SLC13A3: variants seen among roughly 807,000 people sequenced by gnomAD.
The protein encoded by SLC13A3 is solute carrier family 13 member 3.
A neutral mutation model predicts 59.0 loss-of-function variants in SLC13A3; 40 were observed. The ratio of observed to expected loss-of-function variants is 0.68; its 90% CI spans 0.53 to 0.88. The LOEUF is 0.88. Ranked by LOEUF, SLC13A3 falls within the 40% of genes least tolerant of loss-of-function variation. The pLI is 0.00. For missense variants in SLC13A3, 699 were observed against 783.2 expected (o/e 0.89, Z 1.28); for synonymous variants, 317 against 330.3 (o/e 0.96, Z 0.44).
intron 1 of SLC13A3, among the ~76,000 whole-genome samples, chr20:46,638,769 G>A (rs539340028): frequency 3.9e-5 from 6 of 152,170 alleles, no homozygotes; most frequent in Admixed American, 1.3e-4. Flanking sequence ...TTGGGGCAGC[G>A]GTTCTCAGCC....
intron 6 of SLC13A3, among the ~76,000 whole-genome samples, chr20:46,590,893 G>T (rs1023759493): frequency 6.6e-6 from 1 of 151,984 alleles, no homozygotes; most frequent in Admixed American, 6.6e-5. Flanking sequence ...AGCTGGGCTT[G>T]GGTGGCTCAT....
intron 3 of SLC13A3, among the ~76,000 whole-genome samples, chr20:46,608,507 G>C (rs56891036): frequency 0.022 from 3,404 of 152,266 alleles, 134 homozygotes; most frequent in African/African-American, 0.077. Context: ...CCGTTGCATA[G>C]AGCTGACTCT....
chr20:46,610,370 C>T, intron 3 of SLC13A3, 76 bp downstream of exon 3: 1 of 1,485,540 alleles, frequency 6.7e-7, no homozygotes, highest in Non-Finnish European at 9.1e-7. Flanking sequence ...TTGGCCTTCC[C>T]TAACATCCTT....
intron 3 of SLC13A3, among the ~76,000 whole-genome samples, chr20:46,602,980 ACC>A (rs2062395153): frequency 6.6e-6 from 1 of 152,088 alleles, no homozygotes; most frequent in Non-Finnish European, 1.5e-5. Flanking sequence ...GGAGTTTGAG[ACC>A]AGCCTGACCA....
intron 11 of SLC13A3, among the ~76,000 whole-genome samples, chr20:46,564,831 G>C (rs1355114356): frequency 6.6e-6 from 1 of 152,152 alleles, no homozygotes; most frequent in African/African-American, 2.4e-5. Context: ...TATTTCCATT[G>C]GGCAGAGAGA....
intron 9 of SLC13A3, among the ~76,000 whole-genome samples, chr20:46,577,256 T>C (rs2062088638): frequency 7.2e-6 from 1 of 139,520 alleles, no homozygotes; most frequent in African/African-American, 2.7e-5. Flanking sequence ...AGCCCAAAGA[T>C]GTATCAGTCC....
intron 1 of SLC13A3, among the ~76,000 whole-genome samples, chr20:46,623,783 A>T (rs1213087372): frequency 6.6e-6 from 1 of 152,190 alleles, no homozygotes; most frequent in Non-Finnish European, 1.5e-5. Flanking sequence ...TGCATTTGTG[A>T]ACTCATTTTA....
At chr20:46,650,217 G>A (rs1443934426) in intron 1 of SLC13A3, among the ~76,000 whole-genome samples, 3 of 151,996 alleles carry the variant, frequency 2.0e-5, no homozygotes, top group Admixed American at 6.6e-5. Context: ...CTCCACCTGC[G>A]GCCTTTGATC....
chr20:46,623,306 A>G (rs1350966638), intron 1 of SLC13A3, among the ~76,000 whole-genome samples: 1 of 152,190 alleles, frequency 6.6e-6, no homozygotes, highest in Non-Finnish European at 1.5e-5. Flanking sequence ...TGACAATCAC[A>G]ATCACCAACA....
intron 9 of SLC13A3, among the ~76,000 whole-genome samples, chr20:46,579,888 C>T (rs202386): frequency 0.16 from 23,763 of 152,130 alleles, 3,258 homozygotes; most frequent in African/African-American, 0.36. Flanking sequence ...AAGTAATATC[C>T]GTCCCCTTTA....
chr20:46,613,557 G>A lies in SLC13A3; in HGVS notation c.280C>T (p.Leu94Phe), dbSNP rs377595367. 3.1e-6 allele frequency: 5 copies of A among 1,614,036 alleles called. No homozygotes were observed. Among genetic ancestry groups the A allele is most frequent in the East Asian group, 2.2e-5 (1 of 44,886 alleles). ...GCGCTGGCCATGATCAGCCCACTGA[G>A]GAAGAGGAAGTTGGTGTCGAGGAAG... ...QYFLDTNFLF[L>F]SGLIMASAIE... is the part of the protein sequence containing the mutation. Residue 94 changes from leucine (L) to phenylalanine (F), a missense_variant, in exon 2 of 13, where the codon CTC becomes TTC. By Grantham distance (22) the Leu-to-Phe change is conservative. Transcript: ENST00000279027.
intron 1 of SLC13A3, among the ~76,000 whole-genome samples, chr20:46,627,118 A>G (rs939361893): frequency 6.6e-6 from 1 of 152,226 alleles, no homozygotes; most frequent in African/African-American, 2.4e-5. Flanking sequence ...GCACCATGCA[A>G]ACAGGGCCTT....
rs1601111431 is a variant in SLC13A3, at chr20:46,559,934, T to C, written c.*88A>G. The C allele has an allele frequency of 7.5e-7, 1 of 1,331,074 alleles. No individual in the cohort carries two copies. 82.5% of individuals were successfully genotyped at this position (1,331,074 alleles called of 1,614,324 possible). ...TGCATATTGGATTACAGAAAAGAAT[T>C]ATTTGATTGTTTTGTAGTGTCCTAG... On this transcript the variant is annotated 3_prime_UTR_variant, in exon 13 of 13. Transcript: ENST00000279027.
chr20:46,615,972 G>C (rs1285455219), intron 1 of SLC13A3, among the ~76,000 whole-genome samples: 2 of 152,090 alleles, frequency 1.3e-5, no homozygotes, highest in African/African-American at 4.8e-5. Flanking sequence ...TTATTTCCTG[G>C]GGGCCAGAGA....
At chr20:46,647,367 G>C (rs919703450) in intron 1 of SLC13A3, among the ~76,000 whole-genome samples, 2 of 152,150 alleles carry the variant, frequency 1.3e-5, no homozygotes, top group Non-Finnish European at 1.5e-5. Context: ...AGGGGGTAAG[G>C]CTTCTCTGCA....
In SLC13A3 at chr20:46,613,693, C is replaced by T. The variant is rs559408530; in HGVS notation, c.144G>A (p.Met48Ile). 9.3e-5 allele frequency: 149 copies of T among 1,607,270 alleles called. No homozygotes were observed. In the South Asian group the frequency reaches 1.2e-3, roughly 13 times the overall value. ...EGRCLFVILL[M>I]AVYWCTEALP... Reference sequence around the variant, plus strand: ...GGGCCTCCGTGCACCAGTACACCGCCATGAGCAGGATGACAAACAAGCAGC... The same window carrying T: ...GGGCCTCCGTGCACCAGTACACCGCTATGAGCAGGATGACAAACAAGCAGC... Residue 48 changes from methionine (M) to isoleucine (I), a missense_variant, in exon 2 of 13, where the codon ATG (methionine) becomes ATA (isoleucine). Coordinates refer to ENST00000279027, the MANE Select transcript of SLC13A3 (RefSeq NM_022829.6).
At chr20:46,621,815 G>A (rs1409244707) in intron 1 of SLC13A3, among the ~76,000 whole-genome samples, 1 of 152,130 alleles carries the variant, frequency 6.6e-6, no homozygotes, top group African/African-American at 2.4e-5. Flanking sequence ...TCTCCCTACC[G>A]CTCCGCTAAA....
At chr20:46,653,506 A>AAAACAAAC (rs757751860), upstream of SLC13A3, among the ~76,000 whole-genome samples, 2 of 152,286 alleles carry the variant, frequency 1.3e-5, no homozygotes, top group African/African-American at 4.8e-5. Flanking sequence ...CTAAAAGCTT[A>AAAACAAAC]AAACAAACAA....
At chr20:46,621,359 G>A (rs893874074) in intron 1 of SLC13A3, among the ~76,000 whole-genome samples, 1 of 152,104 alleles carries the variant, frequency 6.6e-6, no homozygotes, top group Admixed American at 6.5e-5. Flanking sequence ...AATCTTTAAA[G>A]AGCACCCATT....
Sources: allele counts gnomAD v4.1 joint callset (sites outside exome capture counted in the v4.1 genomes callset), GRCh38; gene constraint gnomAD v4.1.1; transcripts MANE v1.5; gene names NCBI Gene and HGNC (gene_info 2026-07-23, HGNC 2026-07-21).